The following C7 variants were observed in gnomAD, a reference collection of about 807,000 sequenced individuals.
C7 encodes the protein complement component C7.
C7 carries 83 observed loss-of-function variants against 104.8 expected under a neutral mutation model. The ratio of observed to expected loss-of-function variants is 0.79; its 90% CI spans 0.66 to 0.95. C7 has a LOEUF of 0.95. Ranked by LOEUF, C7 falls within the 40% of genes least tolerant of loss-of-function variation. C7 has a pLI of 0.00. For synonymous variants in C7, 415 were observed against 360.6 expected (o/e 1.15, Z -1.71); for missense variants, 1,070 against 1,011.2 (o/e 1.06, Z -0.79).
intron 15 of C7, among the ~76,000 whole-genome samples, chr5:40,974,811 A>G (rs1272194429): frequency 6.6e-6 from 1 of 152,224 alleles, no homozygotes; most frequent in African/African-American, 2.4e-5. Flanking sequence ...ACTAATTTAC[A>G]TGGCTTGATC....
At chr5:40,922,655 C>T (rs184691829) in intron 1 of C7, among the ~76,000 whole-genome samples, 12 of 147,538 alleles carry the variant, frequency 8.1e-5, no homozygotes, top group African/African-American at 2.5e-4. Flanking sequence ...GAGCCAAGAT[C>T]GCACTACTGC....
intron 6 of C7, among the ~76,000 whole-genome samples, chr5:40,943,243 G>C (rs1739977722): frequency 6.6e-6 from 1 of 152,146 alleles, no homozygotes; most frequent in African/African-American, 2.4e-5. Flanking sequence ...GAGAATAAGT[G>C]GAAGAACATG....
chr5:40,942,786 G>A (rs917607729), intron 6 of C7, among the ~76,000 whole-genome samples: 1 of 147,694 alleles, frequency 6.8e-6, no homozygotes, highest in Non-Finnish European at 1.5e-5. Flanking sequence ...TTTTTTTTGA[G>A]ACAGAGTCTT....
At chr5:40,931,832 C>T (rs950765107) in intron 3 of C7, among the ~76,000 whole-genome samples, 12 of 152,220 alleles carry the variant, frequency 7.9e-5, no homozygotes, top group Admixed American at 7.8e-4. Context: ...GATCTTGGCT[C>T]ACTGTAATCT....
intron 17 of C7, among the ~76,000 whole-genome samples, chr5:40,981,020 T>C (rs879820005): frequency 6.6e-6 from 1 of 152,208 alleles, no homozygotes; most frequent in Admixed American, 6.5e-5. Context: ...GTTCTCTTTT[T>C]TTCTCTCTCT....
intron 14 of C7, 24 bp downstream of exon 14, chr5:40,964,897 A>T (rs1740511544): frequency 6.2e-7 from 1 of 1,611,488 alleles, no homozygotes; most frequent in African/African-American, 1.3e-5. Context: ...GTTGTATATA[A>T]TTTAAGATGA....
chr5:40,979,938 A>G, intron 17 of C7, 29 bp downstream of exon 17: 1 of 1,530,392 alleles, frequency 6.5e-7, no homozygotes, highest in Non-Finnish European at 8.8e-7. Context: ...TTGTAAGTAT[A>G]AGAATGCTAA....
At chr5:40,974,823 T>A (rs1253410049) in intron 15 of C7, among the ~76,000 whole-genome samples, 2 of 152,222 alleles carry the variant, frequency 1.3e-5, no homozygotes, top group Non-Finnish European at 2.9e-5. Flanking sequence ...GGCTTGATCA[T>A]TGACCTTAAG....
rs148617056 is a variant in C7 at position 40,915,226 on chromosome 5, A to G, written c.6+5610A>G. On this transcript the variant is annotated intron_variant, in intron 1 of 17. Coordinates refer to ENST00000313164, the MANE Select transcript of C7 (RefSeq NM_000587.4). ...ATTGATTTGCCATCACCAGACTCCA[A>G]CTGGATCAGTCAAGCAAGATTCTGT... 7.9e-3 allele frequency among the ~76,000 whole-genome samples: 1,209 copies of G among 152,288 alleles called. 15 individuals carry two copies. The highest frequency in any genetic ancestry group is 0.026 in the African/African-American group (1,073 of 41,546).
chr5:40,947,244 T>C (rs8180525), intron 7 of C7, among the ~76,000 whole-genome samples: 151,122 of 151,426 alleles, frequency 1, 75,411 homozygotes, highest in Middle Eastern at 1. Context: ...GGATTACAGG[T>C]GTGTACCACC....
intron 14 of C7, chr5:40,972,120 C>A: frequency 1.9e-6 from 1 of 524,896 alleles, no homozygotes; most frequent in East Asian, 4.4e-5. Context: ...GTAGGCTGGG[C>A]ATTAGGACTC....
intron 1 of C7, among the ~76,000 whole-genome samples, chr5:40,915,965 CT>C (rs1346793304): frequency 6.6e-6 from 1 of 152,124 alleles, no homozygotes; most frequent in African/African-American, 2.4e-5. Flanking sequence ...AAATATTGGG[CT>C]ATTAAAATGT....
intron 1 of C7, among the ~76,000 whole-genome samples, chr5:40,912,102 C>A (rs1333150074): frequency 6.6e-6 from 1 of 152,134 alleles, no homozygotes; most frequent in African/African-American, 2.4e-5. Flanking sequence ...AGATGTATGT[C>A]TATCACTGTC....
At chr5:40,911,199 A>G (rs1415744629) in intron 1 of C7, 1 of 152,218 alleles carries the variant, frequency 6.6e-6, no homozygotes, top group African/African-American at 2.4e-5. Context: ...TCATATTTTT[A>G]CAGTAAACCT....
chr5:40,931,020 A>G (rs899574082), intron 2 of C7, 44 bp from the exon 3 acceptor site: 1 of 1,329,828 alleles, frequency 7.5e-7, no homozygotes, highest in Non-Finnish European at 1.1e-6. Context: ...TCCCTTGCGT[A>G]TCTTTCCACC....
At chr5:40,911,180 A>C (rs1284963577) in intron 1 of C7, 1 of 152,236 alleles carries the variant, frequency 6.6e-6, no homozygotes, top group Non-Finnish European at 1.5e-5. Context: ...TGTATTTGAA[A>C]GTGGACATTC....
intron 14 of C7, among the ~76,000 whole-genome samples, chr5:40,968,586 ATATATATATATATATTTTTTTT>A (rs1740615164): frequency 2.6e-4 from 20 of 76,446 alleles, no homozygotes; most frequent in African/African-American, 8.5e-4. Flanking sequence ...ATATATATAT[ATATATATATATATATTTTTTTT>A]TTTTTTTTTT....
intron 11 of C7, among the ~76,000 whole-genome samples, chr5:40,958,863 T>A (rs1328907748): frequency 1.3e-5 from 2 of 152,226 alleles, no homozygotes; most frequent in African/African-American, 4.8e-5. Flanking sequence ...GCTGTTTGAT[T>A]CCTTTCTTTA....
At chr5:40,952,517 T>G (rs1354464298) in intron 9 of C7, among the ~76,000 whole-genome samples, 1 of 152,036 alleles carries the variant, frequency 6.6e-6, no homozygotes, top group Non-Finnish European at 1.5e-5. Flanking sequence ...TATTATACTT[T>G]AAGTTCTAGG....
Sources: allele counts gnomAD v4.1 joint callset (sites outside exome capture counted in the v4.1 genomes callset), GRCh38; gene constraint gnomAD v4.1.1; transcripts MANE v1.5; gene names NCBI Gene and HGNC (gene_info 2026-07-23, HGNC 2026-07-21).